The following FMN1 variants were observed in gnomAD, a reference collection of about 807,000 sequenced individuals.
FMN1 encodes the protein formin-1.
A neutral mutation model predicts 132.4 loss-of-function variants in FMN1; 110 were observed. The observed-to-expected ratio is 0.83, with a 90% CI of 0.71 to 0.97. The LOEUF is 0.97. Among genes scored for constraint, FMN1 ranks in the 50% least tolerant of loss-of-function variants. The pLI is 0.00. For missense variants in FMN1, 1,792 were observed against 1,705.3 expected (o/e 1.05, Z -0.90); for synonymous variants, 722 against 651.7 (o/e 1.11, Z -1.64).
intron 5 of FMN1, among the ~76,000 whole-genome samples, chr15:33,079,819 A>C (rs185652932): frequency 9.8e-5 from 15 of 152,360 alleles, no homozygotes; most frequent in Admixed American, 9.2e-4. Context: ...ATTAGGAAGT[A>C]AATCAGATTA....
At chr15:33,097,443 G>A (rs1369411151) in intron 4 of FMN1, among the ~76,000 whole-genome samples, 1 of 152,044 alleles carries the variant, frequency 6.6e-6, no homozygotes, top group Non-Finnish European at 1.5e-5. Context: ...TCCCCAGCAG[G>A]ATAAATACAA....
At chr15:32,826,428 C>T (rs2058368930) in intron 17 of FMN1, among the ~76,000 whole-genome samples, 2 of 152,146 alleles carry the variant, frequency 1.3e-5, no homozygotes, top group Admixed American at 6.5e-5. Flanking sequence ...AAAGAGGAAA[C>T]AAGCCAAAAG....
At chr15:33,191,984 T>C (rs941017224) in intron 2 of FMN1, among the ~76,000 whole-genome samples, 3 of 152,186 alleles carry the variant, frequency 2.0e-5, no homozygotes, top group African/African-American at 7.2e-5. Context: ...ATAGCTACTC[T>C]TAAAACCAGG....
At chr15:32,914,195 CT>C (rs1465593448) in intron 10 of FMN1, among the ~76,000 whole-genome samples, 1 of 152,156 alleles carries the variant, frequency 6.6e-6, no homozygotes, top group Non-Finnish European at 1.5e-5. Context: ...TTTTAAATAG[CT>C]GTATCTCCTT....
intron 15 of FMN1, among the ~76,000 whole-genome samples, chr15:32,892,592 T>C (rs1440726716): frequency 6.6e-6 from 1 of 152,224 alleles, no homozygotes; most frequent in Non-Finnish European, 1.5e-5. Flanking sequence ...TAGGGAGGCT[T>C]CCCTCTTTCT....
At chr15:33,118,667 A>G (rs17235652) in intron 4 of FMN1, among the ~76,000 whole-genome samples, 53,936 of 151,934 alleles carry the variant, frequency 0.35, 10,324 homozygotes, top group South Asian at 0.42. Flanking sequence ...TTAAATATTA[A>G]ATACAAAAAG....
chr15:32,903,420 A>G (rs967346443), intron 12 of FMN1, among the ~76,000 whole-genome samples: 2 of 152,254 alleles, frequency 1.3e-5, no homozygotes, highest in African/African-American at 2.4e-5. Flanking sequence ...TTATAAATAC[A>G]TAAGAAGCAA....
chr15:32,989,345 C>T (rs952103569), intron 7 of FMN1, among the ~76,000 whole-genome samples: 1 of 152,094 alleles, frequency 6.6e-6, no homozygotes, highest in African/African-American at 2.4e-5. Flanking sequence ...TCAAAATTTC[C>T]GAGGAGGAAG....
intron 18 of FMN1, among the ~76,000 whole-genome samples, chr15:32,801,650 T>C (rs11631977): frequency 0.24 from 37,075 of 151,820 alleles, 4,692 homozygotes; most frequent in Admixed American, 0.29. Context: ...AAAAAATTAT[T>C]CAGGCGTGGT....
chr15:33,024,643 C>A (rs2035582733), intron 6 of FMN1, among the ~76,000 whole-genome samples: 1 of 152,138 alleles, frequency 6.6e-6, no homozygotes, highest in Admixed American at 6.5e-5. Flanking sequence ...CTGCAACAAT[C>A]ACTTTAGAGA....
At position 33,088,914 on chromosome 15, in the gene FMN1, G is replaced by C. The variant is rs1178084964; in HGVS notation, c.1928C>G (p.Pro643Arg). The C allele has an allele frequency of 6.5e-7, 1 of 1,535,902 alleles. No homozygotes were observed. Among genetic ancestry groups the C allele is most frequent in the Non-Finnish European group, 8.7e-7 (1 of 1,146,830 alleles). The change falls in exon 5 of 21, where the codon CCC becomes CGC. Residue 643 changes from proline to arginine, a missense_variant. By Grantham distance (103) the Pro-to-Arg change is moderately radical. This residue lies in a region of FMN1 where 1,150 missense variants were observed against 1,043.1 expected (regional missense o/e 1.10). Coordinates refer to ENST00000616417, the MANE Select transcript of FMN1 (RefSeq NM_001277313.2). ...AACCCACGCGCCTCCATCTCTGTTGGGAAGGTCTTTAGGTGTCTGCTCATT... is the reference window on the plus strand; with the variant it reads ...AACCCACGCGCCTCCATCTCTGTTGCGAAGGTCTTTAGGTGTCTGCTCATT... ...GFNEQTPKDL[P>R]NRDGGAWVLG... is the part of the protein sequence containing the mutation.
Position 32,772,568 on chromosome 15 carries a change from T to C in FMN1, c.*1742A>G, listed in dbSNP as rs1256251931. 1 of 152,234 alleles carries C rather than the reference T, an allele frequency of 6.6e-6. No homozygotes were observed. Among genetic ancestry groups the C allele is most frequent in the African/African-American group, 2.4e-5 (1 of 41,458 alleles). The allele number at this position is 152,234 out of a possible 1,614,324, so 9.4% of individuals were successfully genotyped here. On this transcript the variant is annotated 3_prime_UTR_variant, in exon 21 of 21. Coordinates refer to ENST00000616417, the MANE Select transcript of FMN1 (RefSeq NM_001277313.2). ...TGCTCACAAGCAACTTCAAGCCTTT[T>C]TAGTCATGCATGTTCCTTCTCGGCT... is the stretch of plus-strand genomic sequence containing the variant.
chr15:33,103,262 T>A (rs983182803), intron 4 of FMN1, among the ~76,000 whole-genome samples: 1 of 152,104 alleles, frequency 6.6e-6, no homozygotes, highest in Non-Finnish European at 1.5e-5. Context: ...TTGGTTTAAA[T>A]CTCAGCTCCA....
intron 18 of FMN1, 57 bp downstream of exon 18, chr15:32,804,224 T>C: frequency 1.4e-5 from 17 of 1,231,738 alleles, no homozygotes; most frequent in Non-Finnish European, 1.7e-5. Flanking sequence ...TTCATAATAA[T>C]AATACAAAAG....
intron 6 of FMN1, among the ~76,000 whole-genome samples, chr15:33,019,218 A>G (rs1385056837): frequency 6.6e-6 from 1 of 152,080 alleles, no homozygotes; most frequent in Non-Finnish European, 1.5e-5. Context: ...GCTAGACACA[A>G]AAGTTCTCCA....
intron 19 of FMN1, among the ~76,000 whole-genome samples, chr15:32,786,765 G>A (rs1047166255): frequency 1.3e-5 from 2 of 152,228 alleles, no homozygotes; most frequent in Admixed American, 6.5e-5. Context: ...CATAAGGGCT[G>A]TTTTAAATAT....
chr15:32,884,525 A>G (rs768642373), intron 16 of FMN1, among the ~76,000 whole-genome samples: 1 of 152,220 alleles, frequency 6.6e-6, no homozygotes, highest in Non-Finnish European at 1.5e-5. Context: ...CAACATCAGC[A>G]AAGTCCCTTT....
At chr15:33,081,761 A>G (rs1401457807) in intron 5 of FMN1, among the ~76,000 whole-genome samples, 1 of 152,198 alleles carries the variant, frequency 6.6e-6, no homozygotes. Context: ...CAGTATGTAT[A>G]CTAACACCTC....
chr15:33,073,994 G>A (rs1222557496), intron 5 of FMN1, among the ~76,000 whole-genome samples: 1 of 152,170 alleles, frequency 6.6e-6, no homozygotes, highest in African/African-American at 2.4e-5. Context: ...GCCCCCCAGT[G>A]TACTGGGGCT....
Sources: allele counts gnomAD v4.1 joint callset (sites outside exome capture counted in the v4.1 genomes callset), GRCh38; gene constraint gnomAD v4.1.1; regional missense constraint gnomAD v4.1.1; transcripts MANE v1.5; gene names NCBI Gene and HGNC (gene_info 2026-07-23, HGNC 2026-07-21).